Variants in KIF13B observed in about 807,000 individuals in gnomAD.
KIF13B encodes kinesin family member 13B.
A neutral mutation model predicts 222.0 loss-of-function variants in KIF13B; 127 were observed. The observed-to-expected ratio is 0.57, with a 90% confidence interval of 0.50 to 0.66. KIF13B has a LOEUF of 0.66. Among genes scored for constraint, KIF13B ranks in the 30% least tolerant of loss-of-function variants. The pLI, the probability that KIF13B is intolerant of heterozygous loss-of-function variation, is 0.00. For synonymous variants in KIF13B, 976 were observed against 919.0 expected, an observed-to-expected ratio of 1.06 and a Z score of -1.12; for missense variants, 2,173 against 2,379.0, an observed-to-expected ratio of 0.91 and a Z score of 1.80.
chr8:29,136,840 C>T (rs1157291055), intron 21 of KIF13B, among the ~76,000 whole-genome samples: 23 of 138,644 alleles, frequency 1.7e-4, no homozygotes, highest in Admixed American at 1.6e-3. Context: ...CGCTCTGTTG[C>T]CCAGGCTGGA....
At chr8:29,256,482 G>A (rs1816483167) in intron 1 of KIF13B, among the ~76,000 whole-genome samples, 1 of 152,176 alleles carries the variant, frequency 6.6e-6, no homozygotes, top group South Asian at 2.1e-4. Flanking sequence ...TGCCATCAGT[G>A]CACTAGGTAC....
chr8:29,212,332 C>T (rs964900645), intron 2 of KIF13B, among the ~76,000 whole-genome samples: 6 of 152,120 alleles, frequency 3.9e-5, no homozygotes, highest in African/African-American at 1.4e-4. Context: ...ATGAGAGTCA[C>T]GGTTGCTCCC....
chr8:29,254,829 G>A (rs1330748757), intron 1 of KIF13B, among the ~76,000 whole-genome samples: 2 of 152,146 alleles, frequency 1.3e-5, no homozygotes, highest in African/African-American at 2.4e-5. Flanking sequence ...CTACACAAAA[G>A]CCTGTACATA....
chr8:29,249,897 T>C, intron 1 of KIF13B: 1 of 517,660 alleles, frequency 1.9e-6, no homozygotes, highest in East Asian at 7.0e-5. Context: ...TCTGATGTTT[T>C]GTCTTTAAAT....
chr8:29,113,650 C>A, intron 31 of KIF13B, 95 bp from the exon 32 acceptor site: 1 of 755,976 alleles, frequency 1.3e-6, no homozygotes. Context: ...TTCATTCTAA[C>A]CAAAAGAAAA....
At chr8:29,144,837 C>T (rs1810982555) in intron 18 of KIF13B, among the ~76,000 whole-genome samples, 1 of 152,188 alleles carries the variant, frequency 6.6e-6, no homozygotes, top group African/African-American at 2.4e-5. Context: ...GCACGAAAGA[C>T]TACAGAGTCA....
chr8:29,070,452 G>A lies in KIF13B; in HGVS notation c.*52C>T. The A allele has an allele frequency of 2.5e-6, 4 of 1,589,296 alleles. No individual in the cohort carries two copies. The highest frequency in any genetic ancestry group is 1.8e-4 in the Middle Eastern group (1 of 5,706). The stretch of plus-strand genomic sequence containing the variant: ...TGGCTCCTCAGGGCTGTCACTGGCA[G>A]GGCTCAAAAGGGGCCGGGCACCCCC... On this transcript the variant is annotated 3_prime_UTR_variant, in exon 40 of 40. Transcript: ENST00000524189. The surrounding 1 kb of genome is among the most constrained non-coding windows in gnomAD (Gnocchi z 4.1).
chr8:29,207,103 C>G (rs994029967), intron 2 of KIF13B, among the ~76,000 whole-genome samples: 1 of 152,140 alleles, frequency 6.6e-6, no homozygotes, highest in African/African-American at 2.4e-5. Flanking sequence ...CCAACTCCCT[C>G]GCAGATGAAA....
intron 13 of KIF13B, among the ~76,000 whole-genome samples, chr8:29,158,898 G>A (rs887757643): frequency 2.6e-5 from 4 of 152,200 alleles, no homozygotes; most frequent in African/African-American, 4.8e-5. Context: ...TTAAGGAGCA[G>A]ATATGAATCA....
chr8:29,132,217 G>A, intron 23 of KIF13B, 91 bp downstream of exon 23: 1 of 1,016,486 alleles, frequency 9.8e-7, no homozygotes, highest in Non-Finnish European at 1.3e-6. Context: ...CTGCACTCCA[G>A]CCTGGGTGAC....
rs973353427 is a variant in KIF13B at position 29,117,518 on chromosome 8, G to A, written c.3661-511C>T. On this transcript the variant is annotated intron_variant, in intron 30 of 39. Transcript: ENST00000524189. Reference sequence around the variant, plus strand: ...ACCACACACTGCCTTTAGTTGTCACGTTTCTCTAGTCTACTCTAATCTGCA... The same window carrying A: ...ACCACACACTGCCTTTAGTTGTCACATTTCTCTAGTCTACTCTAATCTGCA... Among the ~76,000 whole-genome samples the A allele has an allele frequency of 6.6e-5, 10 of 151,946 alleles. 1 individual carries two copies. Among genetic ancestry groups the A allele is most frequent in the African/African-American group, 1.9e-4 (8 of 41,350 alleles).
chr8:29,098,532 G>C (rs1808644317), intron 36 of KIF13B, among the ~76,000 whole-genome samples: 2 of 151,598 alleles, frequency 1.3e-5, no homozygotes, highest in South Asian at 4.2e-4. Flanking sequence ...GAACCTGGGA[G>C]GGGCAGGTTG....
chr8:29,188,437 G>T (rs1310378454), intron 5 of KIF13B, 78 bp downstream of exon 5: 6 of 870,076 alleles, frequency 6.9e-6, no homozygotes, highest in Non-Finnish European at 9.1e-6. Context: ...AATCAGCAAT[G>T]TTACTCAGTA....
chr8:29,131,982 C>T (rs1357919864), intron 23 of KIF13B, among the ~76,000 whole-genome samples: 1 of 152,180 alleles, frequency 6.6e-6, no homozygotes, highest in Admixed American at 6.5e-5. Flanking sequence ...CATGGTGGCT[C>T]ACGCCTGTAA....
At chr8:29,220,352 G>A (rs1295797957) in intron 2 of KIF13B, among the ~76,000 whole-genome samples, 1 of 152,124 alleles carries the variant, frequency 6.6e-6, no homozygotes, top group Non-Finnish European at 1.5e-5. Flanking sequence ...ATTTAAAGCA[G>A]GTCTTGCCAG....
chr8:29,230,638 T>A (rs1238816645), intron 2 of KIF13B, among the ~76,000 whole-genome samples: 1 of 152,042 alleles, frequency 6.6e-6, no homozygotes, highest in African/African-American at 2.4e-5. Context: ...CATGAGGAAG[T>A]GTCAGATTAT....
At chr8:29,138,708 T>C (rs909061612) in intron 21 of KIF13B, 31 of 152,022 alleles carry the variant, frequency 2.0e-4, no homozygotes, top group African/African-American at 7.5e-4. Context: ...GTAACACCAA[T>C]CAGCAGAATC....
At position 29,263,037 on chromosome 8, in the gene KIF13B, T is replaced by C. The variant is rs1458456393; in HGVS notation, c.-3A>G. ...ACTTTCACTTTGGAGTCCCCCATCC[T>C]GCAGCCGCCGAGGAACTCGTTCGGC... On this transcript the variant is annotated 5_prime_UTR_variant, in exon 1 of 40. Coordinates refer to ENST00000524189, the MANE Select transcript of KIF13B (RefSeq NM_015254.4). 1.3e-6 allele frequency: 2 copies of C among 1,589,524 alleles called. 1 individual carries two copies. Among genetic ancestry groups the C allele is most frequent in the Admixed American group, 3.4e-5 (2 of 58,224 alleles).
rs370016469 is a variant in KIF13B at position 29,132,433 on chromosome 8, G to A, written c.2817C>T (p.Ile939=). The A allele has an allele frequency of 5.1e-6, 8 of 1,564,238 alleles. No individual in the cohort carries two copies. Among genetic ancestry groups the A allele is most frequent in the Admixed American group, 3.7e-5 (2 of 54,528 alleles). ...CCAATGCTCCTTCGGAAAGATGCTC[G>A]ATAAAGTCTTCGGTGATGTTAACAG... ...EFSVNITEDF[I]EHLSEGALAI... Residue 939 remains isoleucine, a synonymous_variant, in exon 23 of 40, where the codon ATC becomes ATT. Coordinates refer to ENST00000524189, the MANE Select transcript of KIF13B (RefSeq NM_015254.4).
Sources: gnomAD v4.1 joint callset for allele counts (sites outside exome capture counted in the v4.1 genomes callset) on GRCh38, gnomAD v4.1.1 for gene constraint, Gnocchi (gnomAD v3.1) non-coding constraint, MANE v1.5 for transcripts, NCBI Gene and HGNC (gene_info 2026-07-23, HGNC 2026-07-21) for gene names.